The following SCN9A variants were observed in gnomAD, a reference collection of about 807,000 sequenced individuals.
SCN9A encodes the protein sodium channel protein type 9 subunit alpha.
In SCN9A, 131 loss-of-function variants were observed where a neutral mutation model predicts 187.0. The observed-to-expected ratio is 0.70, with a 90% CI of 0.61 to 0.81. The LOEUF (loss-of-function observed/expected upper bound fraction) is 0.81. Among genes scored for constraint, SCN9A ranks in the 30% least tolerant of loss-of-function variants. The pLI, the probability that SCN9A is intolerant of heterozygous loss-of-function variation, is 0.00. For synonymous variants in SCN9A, 809 were observed against 808.6 expected (o/e 1.00, Z -0.01); for missense variants, 2,252 against 2,396.6 (o/e 0.94, Z 1.26).
intron 7 of SCN9A, among the ~76,000 whole-genome samples, chr2:166,295,695 TAA>T (rs1304847823): frequency 6.6e-6 from 1 of 152,228 alleles, no homozygotes; most frequent in African/African-American, 2.4e-5. Flanking sequence ...GGCAGTAACA[TAA>T]GTGAGTAAAA....
intron 17 of SCN9A, among the ~76,000 whole-genome samples, chr2:166,259,723 T>G (rs553297844): frequency 6.6e-6 from 1 of 151,822 alleles, no homozygotes; most frequent in Non-Finnish European, 1.5e-5. Context: ...TAATTAATTT[T>G]GACATTTTAA....
intron 1 of SCN9A, among the ~76,000 whole-genome samples, chr2:166,332,049 T>TC (rs2105265508): frequency 6.6e-6 from 1 of 152,270 alleles, no homozygotes; most frequent in South Asian, 2.1e-4. Context: ...TCCATTCCAC[T>TC]CCTGTTATTT....
At chr2:166,269,649 A>G (rs1318751627) in intron 17 of SCN9A, among the ~76,000 whole-genome samples, 1 of 152,096 alleles carries the variant, frequency 6.6e-6, no homozygotes, top group African/African-American at 2.4e-5. Context: ...GAAGTGCTAA[A>G]TGGAAAGTTC....
intron 7 of SCN9A, among the ~76,000 whole-genome samples, chr2:166,297,195 T>TGAAAAAAAAAAA (rs1698345200): frequency 1.3e-4 from 1 of 7,714 alleles, no homozygotes; most frequent in African/African-American, 4.9e-4. Context: ...AGACTCCATC[T>TGAAAAAAAAAAA]CAAAAAAAAA....
Position 166,286,605 on chromosome 2 carries a change from C to T in SCN9A, c.1333G>A (p.Ala445Thr). The T allele has an allele frequency of 6.4e-7, 1 of 1,552,492 alleles. No homozygotes were observed. The part of the protein sequence containing the change: ...EEAEAIAAAA[A>T]EYTSIRRSRI... ...CTTCTCCTAATACTTGTATATTCAG[C>T]CGCTGCCGCTGCAATTGCCTGGTTG... The change falls in exon 11 of 27, where the codon GCT becomes ACT. Residue 445 changes from alanine to threonine, a missense_variant. Transcript: ENST00000642356.
intron 1 of SCN9A, among the ~76,000 whole-genome samples, chr2:166,316,626 G>A (rs555633602): frequency 5.9e-5 from 9 of 152,302 alleles, no homozygotes; most frequent in South Asian, 4.1e-4. Context: ...CCCAGGAGGC[G>A]GAGCTTGCAG....
At chr2:166,289,235 G>C (rs1697928162) in intron 9 of SCN9A, among the ~76,000 whole-genome samples, 1 of 149,248 alleles carries the variant, frequency 6.7e-6, no homozygotes, top group African/African-American at 2.5e-5. Flanking sequence ...TTGGCATAAC[G>C]TGCAGGTTTG....
intron 1 of SCN9A, among the ~76,000 whole-genome samples, chr2:166,374,868 G>A (rs1249607831): frequency 6.6e-6 from 1 of 151,362 alleles, no homozygotes; most frequent in Non-Finnish European, 1.5e-5. Flanking sequence ...AGTTTCTCAT[G>A]TAAATTGCTC....
intron 13 of SCN9A, 37 bp downstream of exon 13, chr2:166,281,642 T>A (rs992150327): frequency 2.5e-6 from 4 of 1,577,314 alleles, no homozygotes; most frequent in Admixed American, 3.5e-5. Flanking sequence ...TTAATTTTAT[T>A]TAAGAATCTG....
chr2:166,364,197 G>A (rs1184568023), intron 1 of SCN9A, among the ~76,000 whole-genome samples: 1 of 151,850 alleles, frequency 6.6e-6, no homozygotes, highest in Non-Finnish European at 1.5e-5. Context: ...TGACAAGGGT[G>A]TGGAGAAATT....
chr2:166,199,988 T>G (rs1279800254), intron 26 of SCN9A, 124 bp from the exon 27 acceptor site: 6 of 340,150 alleles, frequency 1.8e-5, no homozygotes, highest in African/African-American at 6.0e-5. Flanking sequence ...TTTTTTTTTT[T>G]TTTTTTTTTT....
chr2:166,266,932 T>C (rs2106450673), intron 17 of SCN9A, among the ~76,000 whole-genome samples: 1 of 152,122 alleles, frequency 6.6e-6, no homozygotes, highest in South Asian at 2.1e-4. Context: ...AATTCATTTA[T>C]GAAATCTACT....
intron 21 of SCN9A, among the ~76,000 whole-genome samples, chr2:166,232,370 A>G (rs1695121605): frequency 6.6e-6 from 1 of 152,146 alleles, no homozygotes; most frequent in Admixed American, 6.6e-5. Context: ...AGTTTTCTCA[A>G]ATATAATTTA....
At chr2:166,211,221 G>A (rs990305904) in intron 24 of SCN9A, among the ~76,000 whole-genome samples, 10 of 151,810 alleles carry the variant, frequency 6.6e-5, no homozygotes, top group African/African-American at 2.4e-4. Context: ...CTTTAAAAGA[G>A]CAAATAAAGT....
intron 9 of SCN9A, among the ~76,000 whole-genome samples, chr2:166,289,397 T>C (rs1297340054): frequency 6.6e-6 from 1 of 151,914 alleles, no homozygotes; most frequent in African/African-American, 2.4e-5. Flanking sequence ...TGTGTTCTCA[T>C]TGCCCACCTC....
chr2:166,328,326 G>T (rs1260915487), intron 1 of SCN9A, among the ~76,000 whole-genome samples: 1 of 151,766 alleles, frequency 6.6e-6, no homozygotes, highest in Non-Finnish European at 1.5e-5. Flanking sequence ...TGTGTCATGG[G>T]GGTTTGTTTT....
chr2:166,293,305 C>A lies in SCN9A; in HGVS notation c.1033G>T (p.Asp345Tyr). The change falls in exon 9 of 27, where the codon GAC becomes TAC. Residue 345 changes from aspartate (D) to tyrosine (Y), a missense_variant. Physicochemically the swap from Asp to Tyr is radical, Grantham distance 160. Transcript: ENST00000642356. ...RNPDYGYTSF[D>Y]TFSWAFLALF... Reference sequence around the variant, plus strand: ...GCTAAGAAGGCCCAGCTGAAAGTGTCAAAGCTCGTGTAGCCATAATCAGGG... The same window carrying A: ...GCTAAGAAGGCCCAGCTGAAAGTGTAAAAGCTCGTGTAGCCATAATCAGGG... The A allele has an allele frequency of 6.2e-7, 1 of 1,605,636 alleles. No homozygotes were observed. The highest frequency in any genetic ancestry group is 1.1e-5 in the South Asian group (1 of 89,226).
chr2:166,282,359 C>G (rs2106479456), intron 12 of SCN9A, among the ~76,000 whole-genome samples: 1 of 152,282 alleles, frequency 6.6e-6, no homozygotes, highest in African/African-American at 2.4e-5. Flanking sequence ...ATAAATGACT[C>G]AGTTTGAAAG....
chr2:166,314,604 A>C (rs6731773), intron 1 of SCN9A, among the ~76,000 whole-genome samples: 103,722 of 152,070 alleles, frequency 0.68, 36,770 homozygotes, highest in African/African-American at 0.88. Flanking sequence ...GGGATATTCA[A>C]ACACTGAATT....
Sources: gnomAD v4.1 joint callset for allele counts (sites outside exome capture counted in the v4.1 genomes callset) on GRCh38, gnomAD v4.1.1 for gene constraint, MANE v1.5 for transcripts, NCBI Gene and HGNC (gene_info 2026-07-23, HGNC 2026-07-21) for gene names.